Variants in CFH observed in about 807,000 individuals in gnomAD.
CFH encodes H factor 1 (complement).
A neutral mutation model predicts 147.3 loss-of-function variants in CFH; 53 were observed. The observed-to-expected ratio is 0.36, with a 90% confidence interval of 0.29 to 0.45. The LOEUF (loss-of-function observed/expected upper bound fraction) is 0.45. Ranked by LOEUF, CFH falls within the 20% of genes least tolerant of loss-of-function variation. CFH has a pLI of 1.00. For synonymous variants in CFH, 536 were observed against 489.4 expected, an observed-to-expected ratio of 1.10 and a Z score of -1.26; for missense variants, 1,380 against 1,498.0, an observed-to-expected ratio of 0.92 and a Z score of 1.30.
chr1:196,741,855 A>T lies in CFH; in HGVS notation c.2957-20A>T. The stretch of plus-strand genomic sequence containing the variant: ...ATTTTTAAAGATTTGCGGAACAAAT[A>T]CATATTTTTCCTATTTCAGAAACAG... On this transcript the variant is annotated intron_variant, in intron 18 of 21. Transcript: ENST00000367429. 1 of 1,612,054 alleles carries T rather than the reference A, an allele frequency of 6.2e-7. No individual in the cohort carries two copies. Among genetic ancestry groups the T allele is most frequent in the Non-Finnish European group, 8.5e-7 (1 of 1,178,120 alleles).
rs1037063246 is a variant in CFH, at chr1:196,715,644, C to G, written c.1571C>G (p.Thr524Arg). ...FMNARTKNDF[T>R]WFKLNDTLDY... ...AATGCCAGAACTAAAAATGACTTCA[C>G]ATGGTTTAAGCTGAATGACACATTG... Residue 524 changes from threonine to arginine, a missense_variant, in exon 11 of 22, where the codon ACA becomes AGA. Around this residue, in one of 4 missense-constraint regions of CFH, gnomAD observed 830 missense variants for 821.4 expected, o/e 1.01. Coordinates refer to ENST00000367429, the MANE Select transcript of CFH (RefSeq NM_000186.4). The G allele has an allele frequency of 1.2e-6, 2 of 1,612,510 alleles. No homozygotes were observed. The highest frequency in any genetic ancestry group is 1.7e-6 in the Non-Finnish European group (2 of 1,179,106).
At position 196,726,908 on chromosome 1, in the gene CFH, A is replaced by G. The variant is rs1165697622; in HGVS notation, c.2204A>G (p.His735Arg). The G allele has an allele frequency of 6.2e-7, 1 of 1,613,618 alleles. No individual in the cohort carries two copies. Among genetic ancestry groups the G allele is most frequent in the African/African-American group, 1.3e-5 (1 of 74,904 alleles). The change falls in exon 14 of 22, where the codon CAT becomes CGT. Residue 735 changes from histidine (H) to arginine (R), a missense_variant. By Grantham distance (29) the His-to-Arg change is conservative. Transcript: ENST00000367429. ...MIGHRSITCI[H>R]GVWTQLPQCV... ...GGACACAGATCAATTACGTGTATTC[A>G]TGGAGTATGGACCCAACTTCCCCAG...
chr1:196,719,339 C>T (rs1232882864), intron 11 of CFH, among the ~76,000 whole-genome samples: 3 of 151,662 alleles, frequency 2.0e-5, no homozygotes, highest in South Asian at 2.1e-4. Flanking sequence ...GCACAAAATA[C>T]GTGAACAAAC....
chr1:196,729,050 A>T (rs1052889951), intron 15 of CFH, among the ~76,000 whole-genome samples: 1 of 152,092 alleles, frequency 6.6e-6, no homozygotes, highest in Non-Finnish European at 1.5e-5. Flanking sequence ...TGACACATAC[A>T]GTTTCACTTG....
intron 9 of CFH, among the ~76,000 whole-genome samples, chr1:196,693,701 G>A (rs771446263): frequency 2.6e-5 from 4 of 151,968 alleles, no homozygotes; most frequent in African/African-American, 9.7e-5. Flanking sequence ...AAAGTATTCA[G>A]GCTCTGGGGA....
chr1:196,701,560 C>T (rs1317963877), intron 9 of CFH: 1 of 569,952 alleles, frequency 1.8e-6, no homozygotes, highest in African/African-American at 1.9e-5. Flanking sequence ...TCTTTCTCTG[C>T]TGCAAACCCC....
At chr1:196,686,497 A>G (rs1204830402) in intron 7 of CFH, among the ~76,000 whole-genome samples, 1 of 152,106 alleles carries the variant, frequency 6.6e-6, no homozygotes, top group Non-Finnish European at 1.5e-5. Context: ...CTATCTCTAC[A>G]ATCAAATTTC....
At chr1:196,659,648 G>A (rs1666837454) in intron 1 of CFH, among the ~76,000 whole-genome samples, 1 of 152,120 alleles carries the variant, frequency 6.6e-6, no homozygotes, top group Admixed American at 6.5e-5. Context: ...GTAACTTCCG[G>A]TTGTTGGGTC....
At chr1:196,695,179 T>G (rs1168398318) in intron 9 of CFH, among the ~76,000 whole-genome samples, 3 of 152,218 alleles carry the variant, frequency 2.0e-5, no homozygotes, top group Non-Finnish European at 4.4e-5. Flanking sequence ...GAGTTAATTT[T>G]TATATTAGGT....
rs1459917999 is a variant in CFH at position 196,689,966 on chromosome 1, CTT to C, written c.1160-96_1160-95del. On this transcript the variant is annotated intron_variant, in intron 8 of 21. Transcript: ENST00000367429. ...CATTATTTTTGGATGTTTATGCAAT[CTT>C]ATTTAAATATTGTAAAAATAATTGT... 1.8e-5 allele frequency: 23 copies of C among 1,312,408 alleles called. No homozygotes were observed. The East Asian group carries it at 5.9e-4, about 33-fold the overall frequency. The allele number at this position is 1,312,408 out of a possible 1,614,324, so 81.3% of individuals were successfully genotyped here.
At chr1:196,668,844 A>G (rs1667183876) in intron 1 of CFH, among the ~76,000 whole-genome samples, 1 of 152,196 alleles carries the variant, frequency 6.6e-6, no homozygotes, top group African/African-American at 2.4e-5. Context: ...GGACTAATAC[A>G]GTAAATTGGT....
intron 3 of CFH, among the ~76,000 whole-genome samples, chr1:196,675,217 C>T (rs989246198): frequency 6.6e-6 from 1 of 152,096 alleles, no homozygotes; most frequent in African/African-American, 2.4e-5. Context: ...GCACATTTTG[C>T]ACATGTCCCA....
chr1:196,665,590 G>T (rs1667054525), intron 1 of CFH, among the ~76,000 whole-genome samples: 1 of 151,752 alleles, frequency 6.6e-6, no homozygotes, highest in South Asian at 2.1e-4. Context: ...TTTCCAGTGG[G>T]TTTTATTTTT....
Position 196,677,807 on chromosome 1 carries a change from G to A in CFH, c.619+140G>A, listed in dbSNP as rs562473998. 2.4e-4 allele frequency: 188 copies of A among 798,496 alleles called. 1 individual carries two copies. The highest frequency in any genetic ancestry group is 9.9e-4 in the Middle Eastern group (3 of 3,024). The allele number at this position is 798,496 out of a possible 1,614,324, so 49.5% of individuals were successfully genotyped here. On this transcript the variant is annotated intron_variant, in intron 5 of 21. Coordinates refer to ENST00000367429, the MANE Select transcript of CFH (RefSeq NM_000186.4). ...GCACTTACTATCTGCCTGTAATTGA[G>A]CTAAGTTCTTTGCATGCATCATTTC...
At chr1:196,706,061 G>A (rs974268098) in intron 9 of CFH, among the ~76,000 whole-genome samples, 11 of 151,906 alleles carry the variant, frequency 7.2e-5, no homozygotes, top group African/African-American at 2.7e-4. Flanking sequence ...ACAACAGAAG[G>A]CTGAGTATGC....
chr1:196,695,474 G>T (rs77681847), intron 9 of CFH, among the ~76,000 whole-genome samples: 1 of 152,216 alleles, frequency 6.6e-6, no homozygotes, highest in East Asian at 1.9e-4. Flanking sequence ...GATTAGGATT[G>T]TCTTGGCTAG....
At position 196,683,451 on chromosome 1, in the gene CFH, C is replaced by T. The variant is rs143449281; in HGVS notation, c.791-1613C>T. ...AGTGAGTTAAAGAATAAATGTGAGA[C>T]GGGAAAGTGGAGACAGCAATTATAA... On this transcript the variant is annotated intron_variant, in intron 6 of 21. Transcript: ENST00000367429. 1.4e-3 allele frequency among the ~76,000 whole-genome samples: 213 copies of T among 151,578 alleles called. 1 individual carries two copies. Among genetic ancestry groups the T allele is most frequent in the Non-Finnish European group, 1.8e-3 (125 of 67,700 alleles).
intron 1 of CFH, among the ~76,000 whole-genome samples, chr1:196,653,356 T>C (rs1666570125): frequency 6.6e-6 from 1 of 151,950 alleles, no homozygotes; most frequent in East Asian, 1.9e-4. Context: ...ATAATTAGTA[T>C]TTTAAAATGA....
chr1:196,704,300 T>G (rs9970075), intron 9 of CFH, among the ~76,000 whole-genome samples: 95,983 of 151,946 alleles, frequency 0.63, 30,864 homozygotes, highest in East Asian at 0.95. Context: ...TCACCATGTT[T>G]GCCTGGCTCG....
Sources: allele counts gnomAD v4.1 joint callset (sites outside exome capture counted in the v4.1 genomes callset), GRCh38; gene constraint gnomAD v4.1.1; regional missense constraint gnomAD v4.1.1; transcripts MANE v1.5; gene names NCBI Gene and HGNC (gene_info 2026-07-23, HGNC 2026-07-21).